Variants in CAMK1D observed in about 807,000 individuals in gnomAD.
The protein encoded by CAMK1D is calcium/calmodulin-dependent protein kinase type 1D.
CAMK1D carries 9 observed loss-of-function variants against 47.7 expected under a neutral mutation model. The observed-to-expected ratio is 0.19, with a 90% confidence interval of 0.11 to 0.33. The LOEUF (loss-of-function observed/expected upper bound fraction) is 0.33. CAMK1D is among the 10% of genes least tolerant of loss of function. CAMK1D has a pLI of 1.00. For missense variants in CAMK1D, 291 were observed against 488.7 expected (o/e 0.60, Z 3.81); for synonymous variants, 184 against 184.9 (o/e 0.99, Z 0.04).
intron 3 of CAMK1D, among the ~76,000 whole-genome samples, chr10:12,739,242 A>C (rs1291137966): frequency 6.6e-6 from 1 of 151,916 alleles, no homozygotes; most frequent in Non-Finnish European, 1.5e-5. Flanking sequence ...GTCTCAGAAA[A>C]AGAAAAAAGG....
intron 6 of CAMK1D, among the ~76,000 whole-genome samples, chr10:12,792,925 G>C (rs1030944858): frequency 6.6e-6 from 1 of 150,994 alleles, no homozygotes; most frequent in African/African-American, 2.4e-5. Flanking sequence ...TGAAGGTCAT[G>C]GATCCTATCC....
chr10:12,734,342 AAAAATATATATATAT>A (rs1352940858), intron 3 of CAMK1D, among the ~76,000 whole-genome samples: 3 of 18,460 alleles, frequency 1.6e-4, no homozygotes, highest in African/African-American at 3.8e-4. Context: ...AAAAAAAAAA[AAAAATATATATATAT>A]ATATATATAT....
intron 1 of CAMK1D, among the ~76,000 whole-genome samples, chr10:12,522,120 G>A (rs889937464): frequency 8.0e-5 from 12 of 149,838 alleles, no homozygotes; most frequent in South Asian, 2.1e-4. Flanking sequence ...TTTGCTTTGC[G>A]TTGATCTCTT....
chr10:12,731,002 G>A (rs931474423), intron 3 of CAMK1D, among the ~76,000 whole-genome samples: 3 of 152,308 alleles, frequency 2.0e-5, no homozygotes, highest in African/African-American at 7.2e-5. Flanking sequence ...GAGAGAAATA[G>A]GGCAGTCGCT....
intron 2 of CAMK1D, among the ~76,000 whole-genome samples, chr10:12,649,376 G>A (rs1308231492): frequency 6.6e-6 from 1 of 152,242 alleles, no homozygotes; most frequent in Non-Finnish European, 1.5e-5. Context: ...ATGGCCAGGA[G>A]CTGTGTGCTG....
At chr10:12,656,166 C>T (rs1840109961) in intron 2 of CAMK1D, among the ~76,000 whole-genome samples, 1 of 152,164 alleles carries the variant, frequency 6.6e-6, no homozygotes. Flanking sequence ...TGATGCCCCT[C>T]CTGTGGGACC....
At chr10:12,434,487 T>C (rs1371342322) in intron 1 of CAMK1D, among the ~76,000 whole-genome samples, 1 of 152,186 alleles carries the variant, frequency 6.6e-6, no homozygotes, top group Non-Finnish European at 1.5e-5. Context: ...ATTGTGAGAT[T>C]GGCTTGGCTC....
At chr10:12,550,860 A>G (rs1202306587) in intron 1 of CAMK1D, among the ~76,000 whole-genome samples, 3 of 152,252 alleles carry the variant, frequency 2.0e-5, no homozygotes, top group African/African-American at 4.8e-5. Flanking sequence ...GTGAGCATCC[A>G]TGTGCCAGTG....
At chr10:12,489,946 C>T (rs749782789) in intron 1 of CAMK1D, among the ~76,000 whole-genome samples, 1 of 152,178 alleles carries the variant, frequency 6.6e-6, no homozygotes, top group African/African-American at 2.4e-5. Flanking sequence ...GAATGTGTTG[C>T]TGGATGTGAT....
At chr10:12,491,477 T>TA (rs1485529936) in intron 1 of CAMK1D, among the ~76,000 whole-genome samples, 1 of 151,632 alleles carries the variant, frequency 6.6e-6, no homozygotes, top group Non-Finnish European at 1.5e-5. Context: ...TGTATATATA[T>TA]TTTTTTGTTG....
At chr10:12,686,843 C>T (rs991849723) in intron 3 of CAMK1D, among the ~76,000 whole-genome samples, 11 of 152,128 alleles carry the variant, frequency 7.2e-5, no homozygotes, top group Non-Finnish European at 4.4e-5. Flanking sequence ...TCTATTTGTA[C>T]TTCTTCCCAT....
intron 3 of CAMK1D, among the ~76,000 whole-genome samples, chr10:12,752,421 G>T (rs979987738): frequency 2.0e-5 from 3 of 152,164 alleles, no homozygotes; most frequent in Non-Finnish European, 4.4e-5. Context: ...CCTAGCATGT[G>T]GAATTATAGT....
chr10:12,801,915 G>T (rs146979268), intron 6 of CAMK1D, among the ~76,000 whole-genome samples: 1 of 152,320 alleles, frequency 6.6e-6, no homozygotes, highest in African/African-American at 2.4e-5. Context: ...TCCTGATGGA[G>T]CTAGGCTCTG....
intron 5 of CAMK1D, among the ~76,000 whole-genome samples, chr10:12,785,040 G>A (rs76702211): frequency 0.044 from 6,658 of 152,200 alleles, 398 homozygotes; most frequent in African/African-American, 0.14. Context: ...GAACCCAACC[G>A]TTGTGCCCAA....
chr10:12,781,666 T>C (rs78903846), intron 5 of CAMK1D, among the ~76,000 whole-genome samples: 1 of 124,474 alleles, frequency 8.0e-6, no homozygotes, highest in East Asian at 2.8e-4. Context: ...TTTTTTTTTT[T>C]TTTGAAACGG....
intron 1 of CAMK1D, among the ~76,000 whole-genome samples, chr10:12,378,445 G>A (rs1396730554): frequency 2.0e-5 from 3 of 151,210 alleles, no homozygotes; most frequent in African/African-American, 7.3e-5. Context: ...TAGAAATGGG[G>A]TCTCGCTCTA....
intron 5 of CAMK1D, among the ~76,000 whole-genome samples, chr10:12,783,504 C>G (rs1837591140): frequency 6.6e-6 from 1 of 152,164 alleles, no homozygotes; most frequent in Admixed American, 6.5e-5. Flanking sequence ...TTTCCTCCAC[C>G]CTCTCAGCAG....
At chr10:12,475,723 C>T (rs1343848847) in intron 1 of CAMK1D, among the ~76,000 whole-genome samples, 2 of 152,020 alleles carry the variant, frequency 1.3e-5, no homozygotes, top group Non-Finnish European at 2.9e-5. Flanking sequence ...TCCTTCTCCC[C>T]TTTTTTTGCT....
At chr10:12,691,420 TA>T (rs1269269966) in intron 3 of CAMK1D, among the ~76,000 whole-genome samples, 1 of 5,232 alleles carries the variant, frequency 1.9e-4, no homozygotes, top group African/African-American at 5.0e-4. Flanking sequence ...TATATATATA[TA>T]TTTTTTTTTT....
Sources: allele counts gnomAD v4.1 joint callset (sites outside exome capture counted in the v4.1 genomes callset), GRCh38; gene constraint gnomAD v4.1.1; transcripts MANE v1.5; gene names NCBI Gene and HGNC (gene_info 2026-07-23, HGNC 2026-07-21).